The following EHD1 variants were observed in gnomAD, a reference collection of about 807,000 sequenced individuals.
EHD1 encodes EH domain containing 1.
In EHD1, 19 loss-of-function variants were observed where a neutral mutation model predicts 39.0. The ratio of observed to expected loss-of-function variants is 0.49; its 90% confidence interval spans 0.34 to 0.72. The LOEUF (loss-of-function observed/expected upper bound fraction) is 0.72. Among genes scored for constraint, EHD1 ranks in the 30% least tolerant of loss-of-function variants. EHD1 has a pLI of 0.01. For missense variants in EHD1, 542 were observed against 751.5 expected (o/e 0.72, Z 3.26); for synonymous variants, 323 against 331.2 (o/e 0.98, Z 0.27).
intron 1 of EHD1, 109 bp from the exon 2 acceptor site, chr11:64,874,627 C>T: frequency 1.1e-6 from 1 of 876,562 alleles, no homozygotes; most frequent in Non-Finnish European, 1.6e-6. Context: ...GCTTCCTCTC[C>T]AGCAGCGGGG....
intron 3 of EHD1, 82 bp downstream of exon 3, chr11:64,859,842 C>T (rs1460631495): frequency 5.9e-6 from 9 of 1,514,862 alleles, no homozygotes; most frequent in African/African-American, 1.4e-5. Context: ...GGGTCTCGGG[C>T]AATCCTGGGG....
At chr11:64,854,909 C>T (rs772420509) in intron 4 of EHD1, 52 bp from the exon 5 acceptor site, 66 of 1,571,748 alleles carry the variant, frequency 4.2e-5, no homozygotes, top group Non-Finnish European at 5.6e-5. Flanking sequence ...CCCTCCCAGA[C>T]TCCAGGCCAA....
At chr11:64,854,990 C>T in intron 4 of EHD1, 133 bp from the exon 5 acceptor site, 1 of 1,183,096 alleles carries the variant, frequency 8.5e-7, no homozygotes, top group East Asian at 2.3e-5. Flanking sequence ...CTCGGCAAAA[C>T]CATCTGGCCC....
intron 2 of EHD1, among the ~76,000 whole-genome samples, chr11:64,860,677 C>A (rs187379026): frequency 6.7e-6 from 1 of 149,684 alleles, no homozygotes; most frequent in East Asian, 2.0e-4. Flanking sequence ...CAAGCCCATG[C>A]CACCGCACTC....
chr11:64,854,283 C>G lies in EHD1; in HGVS notation c.*50G>C, dbSNP rs1297927307. The G allele has an allele frequency of 2.3e-5, 35 of 1,542,690 alleles. No homozygotes were observed. The highest frequency in any genetic ancestry group is 3.1e-5 in the Non-Finnish European group (35 of 1,147,356). ...ATGGTGAGGCTTCCCCTCCCCCCGT[C>G]TCTGCCTCCCGGCCGGGCGTGCAAA... On this transcript the variant is annotated 3_prime_UTR_variant, in exon 5 of 5. Coordinates refer to ENST00000320631, the MANE Select transcript of EHD1 (RefSeq NM_006795.4).
intron 2 of EHD1, among the ~76,000 whole-genome samples, chr11:64,866,543 G>A (rs771018281): frequency 5.3e-5 from 8 of 152,014 alleles, no homozygotes; most frequent in Non-Finnish European, 1.0e-4. Flanking sequence ...TTTGGGTGTG[G>A]TGGCATGCAT....
upstream of EHD1, chr11:64,878,890 C>T (rs58452312): frequency 1.0e-3 from 1,066 of 1,043,040 alleles, 8 homozygotes; most frequent in African/African-American, 0.016. Flanking sequence ...GTTAGGAAGG[C>T]GAGGAGCGGG....
At chr11:64,878,979 A>G, upstream of EHD1, 1 of 1,000,414 alleles carries the variant, frequency 1.0e-6, no homozygotes, top group Non-Finnish European at 1.2e-6. Context: ...TGGCTCCACG[A>G]GACACCCAGT....
At chr11:64,875,305 C>G (rs926485870) in intron 1 of EHD1, among the ~76,000 whole-genome samples, 23 of 152,228 alleles carry the variant, frequency 1.5e-4, no homozygotes, top group Non-Finnish European at 2.8e-4. Context: ...AATCCTAGTA[C>G]TTTGGGAGGC....
chr11:64,858,860 G>T (rs1565717399), intron 3 of EHD1, among the ~76,000 whole-genome samples: 1 of 152,250 alleles, frequency 6.6e-6, no homozygotes, highest in South Asian at 2.1e-4. Context: ...CTGCTGATAG[G>T]TGCCACCAGG....
intron 2 of EHD1, among the ~76,000 whole-genome samples, chr11:64,864,553 G>A (rs935935983): frequency 1.3e-5 from 2 of 152,176 alleles, no homozygotes; most frequent in Non-Finnish European, 2.9e-5. Context: ...AGCCTGCAGC[G>A]CCTGCCTGGG....
intron 2 of EHD1, among the ~76,000 whole-genome samples, chr11:64,871,652 A>G (rs1018485309): frequency 1.3e-5 from 2 of 152,184 alleles, no homozygotes; most frequent in African/African-American, 4.8e-5. Context: ...TCCTCCAATC[A>G]GCGTGATGTG....
chr11:64,860,269 G>A lies in EHD1; in HGVS notation c.570C>T (p.Asp190=), dbSNP rs775515682. The change falls in exon 3 of 5, where the codon GAC becomes GAT. Residue 190 remains aspartate, a synonymous_variant. Transcript: ENST00000320631. The stretch of plus-strand genomic sequence containing the variant: ...CATCGGAGATGTCCAGCTTGTGGGC[G>A]TCGAAGAGCAGGATGATGCGGTCCA... ...ERVDRIILLF[D]AHKLDISDEF... 19 of 1,613,900 alleles carry A rather than the reference G, an allele frequency of 1.2e-5. No homozygotes were observed. Among genetic ancestry groups the A allele is most frequent in the East Asian group, 1.1e-4 (5 of 44,894 alleles).
intron 3 of EHD1, 158 bp from the exon 4 acceptor site, chr11:64,855,644 C>G (rs974378480): frequency 9.7e-7 from 1 of 1,035,982 alleles, no homozygotes; most frequent in African/African-American, 1.6e-5. Flanking sequence ...CCACCGGCTC[C>G]CACAGTCCTA....
At chr11:64,867,649 C>T (rs1176899224) in intron 2 of EHD1, among the ~76,000 whole-genome samples, 2 of 152,052 alleles carry the variant, frequency 1.3e-5, no homozygotes, top group African/African-American at 2.4e-5. Flanking sequence ...AACCCAGAGG[C>T]GGAGGTTGCA....
intron 3 of EHD1, 103 bp from the exon 4 acceptor site, chr11:64,855,589 G>C (rs1943642756): frequency 1.3e-6 from 2 of 1,542,132 alleles, no homozygotes; most frequent in Admixed American, 4.0e-5. Context: ...GCTCGCTCAG[G>C]AACAGGGAAG....
intron 4 of EHD1, 177 bp from the exon 5 acceptor site, chr11:64,855,034 C>T (rs1943634166): frequency 3.4e-6 from 3 of 882,184 alleles, no homozygotes; most frequent in Non-Finnish European, 5.1e-6. Flanking sequence ...GAGGCACCTC[C>T]AGCTCTTTCC....
chr11:64,859,790 GA>G (rs1193940278), intron 3 of EHD1, 133 bp downstream of exon 3: 5 of 1,276,072 alleles, frequency 3.9e-6, no homozygotes, highest in Non-Finnish European at 5.3e-6. Context: ...TCTATAGAGG[GA>G]AACAGCGCAG....
chr11:64,861,835 A>C (rs1224586882), intron 2 of EHD1, among the ~76,000 whole-genome samples: 6 of 152,214 alleles, frequency 3.9e-5, no homozygotes, highest in African/African-American at 1.4e-4. Flanking sequence ...CTGGGTCTTA[A>C]ACACTTCTCC....
Sources: gnomAD v4.1 joint callset for allele counts (sites outside exome capture counted in the v4.1 genomes callset) on GRCh38, gnomAD v4.1.1 for gene constraint, MANE v1.5 for transcripts, NCBI Gene and HGNC (gene_info 2026-07-23, HGNC 2026-07-21) for gene names.